Variants in FBLN7 observed in about 807,000 individuals in gnomAD.
The protein encoded by FBLN7 is fibulin-7.
FBLN7 carries 31 observed loss-of-function variants against 44.0 expected under a neutral mutation model. That is an observed-to-expected ratio of 0.70 (90% CI 0.53 to 0.95). FBLN7 has a LOEUF of 0.95. Ranked by LOEUF, FBLN7 falls within the 40% of genes least tolerant of loss-of-function variation. The pLI is 0.00. For synonymous variants in FBLN7, 262 were observed against 253.4 expected, an observed-to-expected ratio of 1.03 and a Z score of -0.32; for missense variants, 573 against 618.5, an observed-to-expected ratio of 0.93 and a Z score of 0.78.
chr2:112,233,114 G>C, the FBLN7 span: 3 of 541,640 alleles, frequency 5.5e-6, no homozygotes, highest in Non-Finnish European at 9.7e-6. Flanking sequence ...AAAAATCCAC[G>C]TACAATTTAA....
intron 1 of FBLN7, among the ~76,000 whole-genome samples, chr2:112,153,674 C>A (rs1400609031): frequency 6.6e-6 from 1 of 152,154 alleles, no homozygotes; most frequent in Non-Finnish European, 1.5e-5. Flanking sequence ...AGCCGGGGGA[C>A]ACACACCCAT....
the FBLN7 span, among the ~76,000 whole-genome samples, chr2:112,241,242 TC>T: frequency 1.3e-5 from 2 of 152,018 alleles, no homozygotes; most frequent in Admixed American, 6.6e-5. Context: ...CCAGGTACTT[TC>T]CCTAGGAAAA....
chr2:112,227,780 T>C, the FBLN7 span, among the ~76,000 whole-genome samples: 3 of 152,100 alleles, frequency 2.0e-5, no homozygotes, highest in African/African-American at 7.2e-5. Flanking sequence ...CACTGTACAC[T>C]TGTACAGTGA....
chr2:112,174,907 T>C (rs1395845603), intron 3 of FBLN7, among the ~76,000 whole-genome samples: 1 of 151,976 alleles, frequency 6.6e-6, no homozygotes, highest in African/African-American at 2.4e-5. Flanking sequence ...AAACAATCAT[T>C]TTTTTTCTAA....
the FBLN7 span, among the ~76,000 whole-genome samples, chr2:112,202,292 C>T: frequency 6.6e-6 from 1 of 152,074 alleles, no homozygotes; most frequent in South Asian, 2.1e-4. Flanking sequence ...CTGGACATGC[C>T]AGGCAAGGAA....
chr2:112,174,861 C>T (rs887182344), intron 3 of FBLN7, among the ~76,000 whole-genome samples: 4 of 152,106 alleles, frequency 2.6e-5, no homozygotes, highest in Non-Finnish European at 5.9e-5. Flanking sequence ...AGGCACATAC[C>T]ACCATGCCCA....
In FBLN7 at chr2:112,165,167, T is replaced by C; in HGVS notation, c.402T>C (p.Cys134=). 6.2e-7 allele frequency: 1 copy of C among 1,614,054 alleles called. No individual in the cohort carries two copies. Among genetic ancestry groups the C allele is most frequent in the Non-Finnish European group, 8.5e-7 (1 of 1,179,974 alleles). ...CCTGGACAGGGGAGCAGCCCCACTG[T>C]AGAGGTATCGTCTCTCCTTCCCATC... ...NGTWTGEQPH[C]RGISECSSQP... is the part of the protein sequence containing the mutation. Residue 134 remains cysteine (C), a synonymous_variant, in exon 3 of 8, where the codon TGT becomes TGC. Coordinates refer to ENST00000331203, the MANE Select transcript of FBLN7 (RefSeq NM_153214.3).
At chr2:112,211,356 A>G in the FBLN7 span, among the ~76,000 whole-genome samples, 1 of 152,194 alleles carries the variant, frequency 6.6e-6, no homozygotes, top group African/African-American at 2.4e-5. Flanking sequence ...GCCCACATCC[A>G]AGAGGAGGAA....
intron 3 of FBLN7, among the ~76,000 whole-genome samples, chr2:112,167,331 G>A (rs1682211405): frequency 1.3e-5 from 2 of 152,202 alleles, no homozygotes; most frequent in African/African-American, 4.8e-5. Context: ...AAAGGAACAT[G>A]TGGTTACTTG....
chr2:112,222,388 G>C, the FBLN7 span, among the ~76,000 whole-genome samples: 17 of 152,124 alleles, frequency 1.1e-4, no homozygotes, highest in Non-Finnish European at 1.8e-4. Flanking sequence ...TACAAGAGGT[G>C]GGGGGAGGGT....
At chr2:112,181,611 C>A in intron 4 of FBLN7, 128 bp from the exon 5 acceptor site, 1 of 1,164,032 alleles carries the variant, frequency 8.6e-7, no homozygotes, top group Non-Finnish European at 1.1e-6. Context: ...TCTCCTTTCC[C>A]TACTCCAGAG....
intron 6 of FBLN7, among the ~76,000 whole-genome samples, chr2:112,183,331 C>G (rs965638512): frequency 2.0e-5 from 3 of 152,194 alleles, no homozygotes; most frequent in African/African-American, 7.2e-5. Context: ...GTAAGTCCAC[C>G]TCTGAAAGGG....
chr2:112,170,715 G>C (rs1682414015), intron 3 of FBLN7, among the ~76,000 whole-genome samples: 1 of 152,200 alleles, frequency 6.6e-6, no homozygotes, highest in Non-Finnish European at 1.5e-5. Flanking sequence ...TGTAGTCATG[G>C]GCCATGCAGG....
chr2:112,162,547 A>G (rs567585057), intron 2 of FBLN7, among the ~76,000 whole-genome samples: 23 of 152,182 alleles, frequency 1.5e-4, no homozygotes, highest in African/African-American at 5.5e-4. Context: ...CTTACATGCT[A>G]ACTTCACCTC....
At chr2:112,155,128 T>C (rs972736309) in intron 1 of FBLN7, among the ~76,000 whole-genome samples, 2 of 152,202 alleles carry the variant, frequency 1.3e-5, no homozygotes, top group Admixed American at 6.5e-5. Flanking sequence ...GCTTTCTTTT[T>C]ATGATCAAGC....
chr2:112,199,609 G>GCCCTGTCTGTCCCCAATT, the FBLN7 span, among the ~76,000 whole-genome samples: 5 of 152,124 alleles, frequency 3.3e-5, no homozygotes, highest in Admixed American at 3.3e-4. Flanking sequence ...GGTCTCAAAT[G>GCCCTGTCTGTCCCCAATT]CCCTGTCTGT....
chr2:112,160,682 GCACGCA>G (rs869286049), intron 2 of FBLN7, among the ~76,000 whole-genome samples: 28 of 134,552 alleles, frequency 2.1e-4, no homozygotes, highest in South Asian at 9.5e-4. Context: ...ACACGCAGAC[GCACGCA>G]CACGCACACA....
chr2:112,233,507 TTAA>T, the FBLN7 span: 10 of 631,886 alleles, frequency 1.6e-5, no homozygotes, highest in Middle Eastern at 3.8e-4. Flanking sequence ...ATTCTAACTG[TTAA>T]TAAATTATAA....
At chr2:112,237,913 A>G in the FBLN7 span, among the ~76,000 whole-genome samples, 14 of 152,308 alleles carry the variant, frequency 9.2e-5, no homozygotes, top group African/African-American at 3.4e-4. Flanking sequence ...TTATGGCTAA[A>G]TCTCATTTTA....
Sources: gnomAD v4.1 joint callset for allele counts (sites outside exome capture counted in the v4.1 genomes callset) on GRCh38, gnomAD v4.1.1 for gene constraint, MANE v1.5 for transcripts, NCBI Gene and HGNC (gene_info 2026-07-23, HGNC 2026-07-21) for gene names.